Variants in DHRS4 observed in about 807,000 individuals in gnomAD.
The protein encoded by DHRS4 is dehydrogenase/reductase SDR family member 4.
Under a neutral mutation model 28.4 loss-of-function variants are expected in DHRS4, and 20 were observed. The observed-to-expected ratio is 0.71, with a 90% confidence interval of 0.50 to 1.02. The LOEUF is 1.02. Ranked by LOEUF, DHRS4 falls within the 50% of genes least tolerant of loss-of-function variation. The probability of loss-of-function intolerance (pLI) is 0.00; values close to 1 mark genes in which losing one functional copy is unlikely to be tolerated. For missense variants in DHRS4, 378 were observed against 367.2 expected (o/e 1.03, Z -0.24); for synonymous variants, 144 against 146.4 (o/e 0.98, Z 0.12).
At position 23,953,931 on chromosome 14, in the gene DHRS4, C is replaced by T. The variant is rs368187763; in HGVS notation, c.128+15C>T. 82 of 1,569,628 alleles carry T rather than the reference C, an allele frequency of 5.2e-5. 1 individual carries two copies. The highest frequency in any genetic ancestry group is 6.6e-5 in the Non-Finnish European group (77 of 1,158,262). Reference sequence around the variant, plus strand: ...TCCACCGACGGGTGAGTGCTCCGGCCGGAGTTTCTGAGGCCCTGGCTGCCT... The same window carrying T: ...TCCACCGACGGGTGAGTGCTCCGGCTGGAGTTTCTGAGGCCCTGGCTGCCT... On this transcript the variant is annotated intron_variant, in intron 1 of 7. Coordinates refer to ENST00000313250, the MANE Select transcript of DHRS4 (RefSeq NM_021004.4).
intron 1 of DHRS4, among the ~76,000 whole-genome samples, chr14:23,954,378 G>C (rs910296236): frequency 4.6e-5 from 7 of 152,128 alleles, no homozygotes; most frequent in African/African-American, 7.2e-5. Flanking sequence ...GCCATATGTC[G>C]AGATTTTTGT....
At chr14:23,957,596 G>A (rs1271353050) in intron 2 of DHRS4, among the ~76,000 whole-genome samples, 1 of 146,436 alleles carries the variant, frequency 6.8e-6, no homozygotes, top group Non-Finnish European at 1.5e-5. Context: ...TCCTTCTGTT[G>A]CCCAGGCTGC....
At position 23,959,833 on chromosome 14, in the gene DHRS4, T is replaced by A. The variant is rs1406346943; in HGVS notation, c.307-69T>A. 6.4e-6 allele frequency: 10 copies of A among 1,573,000 alleles called. No homozygotes were observed. In the Admixed American group the frequency reaches 1.5e-4, roughly 24 times the overall value. On this transcript the variant is annotated intron_variant, in intron 2 of 7. Coordinates refer to ENST00000313250, the MANE Select transcript of DHRS4 (RefSeq NM_021004.4). ...AGCTCCTTGCCCAGAAGGAAGTTTT[T>A]ATCAACATGGGTAAATGCACCTCCC...
chr14:23,966,885 G>A (rs563913189), intron 6 of DHRS4, among the ~76,000 whole-genome samples: 8 of 152,386 alleles, frequency 5.2e-5, no homozygotes, highest in Non-Finnish European at 1.5e-5. Flanking sequence ...TCTGGGTGGG[G>A]TGGCTCATGC....
intron 2 of DHRS4, among the ~76,000 whole-genome samples, chr14:23,956,242 G>A (rs1235954545): frequency 6.6e-6 from 1 of 152,244 alleles, no homozygotes; most frequent in Non-Finnish European, 1.5e-5. Flanking sequence ...CCTTGATCCT[G>A]ATGGTGGAAG....
chr14:23,960,841 A>G (rs1156855984), intron 3 of DHRS4, among the ~76,000 whole-genome samples: 4 of 152,090 alleles, frequency 2.6e-5, no homozygotes, highest in Admixed American at 2.6e-4. Flanking sequence ...TTGGCTTACG[A>G]TACTGCAGAC....
At chr14:23,967,179 A>G (rs765324833) in intron 6 of DHRS4, 32 bp from the exon 7 acceptor site, 7 of 1,594,532 alleles carry the variant, frequency 4.4e-6, no homozygotes, top group South Asian at 1.2e-5. Flanking sequence ...AAAGAAAAAA[A>G]AAACATAAAG....
At chr14:23,954,053 G>A in intron 1 of DHRS4, 137 bp downstream of exon 1, 1 of 1,395,892 alleles carries the variant, frequency 7.2e-7, no homozygotes, top group African/African-American at 1.4e-5. Flanking sequence ...AGGTAGCCAC[G>A]TGGTCCGCCT....
chr14:23,964,832 C>T (rs1369461015), intron 3 of DHRS4, among the ~76,000 whole-genome samples: 1 of 148,698 alleles, frequency 6.7e-6, no homozygotes, highest in Non-Finnish European at 1.5e-5. Context: ...CCATCTTGGC[C>T]TCCCGAAGTG....
At chr14:23,956,995 T>C (rs1302420001) in intron 2 of DHRS4, among the ~76,000 whole-genome samples, 5 of 152,192 alleles carry the variant, frequency 3.3e-5, no homozygotes, top group African/African-American at 1.2e-4. Context: ...TAAGAAGCCA[T>C]GTGAGGTTTT....
rs200998110 is a variant in DHRS4, at chr14:23,956,235, T to TG, written c.306+1024dup. On this transcript the variant is annotated intron_variant, in intron 2 of 7. Coordinates refer to ENST00000313250, the MANE Select transcript of DHRS4 (RefSeq NM_021004.4). ...TGGACAGACCCCAAGATTGGGGCCT[T>TG]GATCCTGATGGTGGAAGGAGCCGTT... Among the ~76,000 whole-genome samples the TG allele has an allele frequency of 2.6e-3, 399 of 152,336 alleles. 2 individuals are homozygous for TG. Among genetic ancestry groups the TG allele is most frequent in the African/African-American group, 8.9e-3 (372 of 41,572 alleles).
chr14:23,961,370 CAAT>C (rs150769253), intron 3 of DHRS4, among the ~76,000 whole-genome samples: 42,304 of 137,056 alleles, frequency 0.31, 5,827 homozygotes, highest in East Asian at 0.42. Flanking sequence ...ACAACAACAA[CAAT>C]GACAACAAAA....
chr14:23,961,802 C>A (rs1262488170), intron 3 of DHRS4, among the ~76,000 whole-genome samples: 6 of 139,790 alleles, frequency 4.3e-5, no homozygotes, highest in Non-Finnish European at 9.2e-5. Context: ...CATGAGCCAC[C>A]ACACACAGCC....
chr14:23,961,464 G>A (rs1200130795), intron 3 of DHRS4, among the ~76,000 whole-genome samples: 1 of 127,378 alleles, frequency 7.9e-6, no homozygotes, highest in African/African-American at 4.3e-5. Context: ...GAGATTTGCT[G>A]CTAACCATTT....
chr14:23,955,247 G>A (rs757285758), intron 2 of DHRS4, 35 bp downstream of exon 2: 13 of 1,591,896 alleles, frequency 8.2e-6, no homozygotes, highest in South Asian at 1.1e-5. Flanking sequence ...GAGCCAGGAG[G>A]TGGAAAACGG....
At position 23,955,165 on chromosome 14, in the gene DHRS4, G is replaced by C. The variant is rs375092227; in HGVS notation, c.259G>C (p.Val87Leu). 83 of 1,613,726 alleles carry C rather than the reference G, an allele frequency of 5.1e-5. No individual in the cohort carries two copies. The highest frequency in any genetic ancestry group is 6.3e-5 in the Non-Finnish European group (74 of 1,179,844). Residue 87 changes from valine to leucine, a missense_variant, in exon 2 of 8, where the codon GTG becomes CTG. Physicochemically the swap from Val to Leu is conservative, Grantham distance 32 (BLOSUM62 1). Transcript: ENST00000313250. ...GGAGGGGCTGAGCGTGACGGGCACC[G>C]TGTGCCATGTGGGGAAGGCGGAGGA... The part of the protein sequence containing the change: ...QGEGLSVTGT[V>L]CHVGKAEDRE...
At position 23,955,159 on chromosome 14, in the gene DHRS4, G is replaced by A. The variant is rs2033071054; in HGVS notation, c.253G>A (p.Gly85Ser). The change falls in exon 2 of 8, where the codon GGC (glycine) becomes AGC (serine). Residue 85 changes from glycine to serine, a missense_variant. Transcript: ENST00000313250. ...GCAGGGGGAGGGGCTGAGCGTGACGGGCACCGTGTGCCATGTGGGGAAGGC... is the reference window on the plus strand; with the variant it reads ...GCAGGGGGAGGGGCTGAGCGTGACGAGCACCGTGTGCCATGTGGGGAAGGC... ...TLQGEGLSVT[G>S]TVCHVGKAED... 1 of 1,613,750 alleles carries A rather than the reference G, an allele frequency of 6.2e-7. No individual in the cohort carries two copies. The highest frequency in any genetic ancestry group is 1.3e-5 in the African/African-American group (1 of 74,916).
intron 6 of DHRS4, among the ~76,000 whole-genome samples, 153 bp from the exon 7 acceptor site, chr14:23,967,058 G>A (rs2033652323): frequency 6.6e-6 from 1 of 152,090 alleles, no homozygotes; most frequent in Admixed American, 6.6e-5. Flanking sequence ...GGGAGGCTGA[G>A]GCAGGAGAAT....
chr14:23,968,643 C>T (rs1450705215), intron 7 of DHRS4, 114 bp from the exon 8 acceptor site: 21 of 1,536,166 alleles, frequency 1.4e-5, no homozygotes, highest in Non-Finnish European at 1.8e-5. Flanking sequence ...TACACTGACC[C>T]TGAAAAAGCC....
Sources: gnomAD v4.1 joint callset for allele counts (sites outside exome capture counted in the v4.1 genomes callset) on GRCh38, gnomAD v4.1.1 for gene constraint, MANE v1.5 for transcripts, NCBI Gene and HGNC (gene_info 2026-07-23, HGNC 2026-07-21) for gene names.